LYPD8: variants seen among roughly 807,000 people sequenced by gnomAD.
LYPD8 encodes the protein LY6/PLAUR domain containing 8, also known as ly6/PLAUR domain-containing protein 8.
Under a neutral mutation model 1.7 loss-of-function variants are expected in LYPD8, and 8 were observed. The observed-to-expected ratio is 4.58, with a 90% CI of 2.69 to 8.27. The LOEUF is 8.27. Among genes scored for constraint, LYPD8 ranks in the 30% most tolerant of loss-of-function variants. The pLI is 0.00. For synonymous variants in LYPD8, 50 were observed against 43.6 expected (o/e 1.15, Z -0.58); for missense variants, 112 against 102.3 (o/e 1.09, Z -0.41).
chr1:248,741,502 T>A (rs1469609605), intron 6 of LYPD8, among the ~76,000 whole-genome samples: 3 of 152,220 alleles, frequency 2.0e-5, no homozygotes, highest in Non-Finnish European at 4.4e-5. Context: ...CCACCGCACC[T>A]GGCCAGTGCT....
chr1:248,739,970 C>T lies in LYPD8; in HGVS notation c.476-121G>A. 1 of 1,322,488 alleles carries T rather than the reference C, an allele frequency of 7.6e-7. No homozygotes were observed. Among genetic ancestry groups the T allele is most frequent in the Non-Finnish European group, 1.0e-6 (1 of 972,898 alleles). The allele number at this position is 1,322,488 out of a possible 1,614,324, so 81.9% of individuals were successfully genotyped here. The stretch of plus-strand genomic sequence containing the variant: ...GTGACCAGCAAGAGCTGGTGTGCTC[C>T]TGAAGCCCAGGCAGGAAGAAGGAGC... On this transcript the variant is annotated intron_variant, in intron 6 of 6. Transcript: ENST00000590317. This position sits in a 1 kb window ranked among gnomAD's most constrained non-coding sequence, Gnocchi z 4.3.
chr1:248,752,614 CAT>C (rs1215945083), intron 2 of LYPD8, among the ~76,000 whole-genome samples: 33 of 125,512 alleles, frequency 2.6e-4, no homozygotes, highest in African/African-American at 8.4e-4. Context: ...ACCCCACACA[CAT>C]CACACACACA....
chr1:248,753,376 A>T (rs1320039435), intron 2 of LYPD8, among the ~76,000 whole-genome samples: 2 of 123,384 alleles, frequency 1.6e-5, no homozygotes, highest in Non-Finnish European at 1.7e-5. Context: ...CATACACACC[A>T]CACACCACAC....
At chr1:248,753,488 T>TCAAACAACACACACAACA (rs1662866895) in intron 2 of LYPD8, among the ~76,000 whole-genome samples, 1 of 50,716 alleles carries the variant, frequency 2.0e-5, no homozygotes, top group African/African-American at 8.6e-5. Flanking sequence ...CACACACACA[T>TCAAACAACACACACAACA]CACACAACAC....
chr1:248,753,955 C>G (rs1201055226), intron 2 of LYPD8, among the ~76,000 whole-genome samples: 1 of 123,294 alleles, frequency 8.1e-6, no homozygotes, highest in African/African-American at 3.3e-5. Flanking sequence ...TCACATGTCA[C>G]ACACATCACA....
At chr1:248,750,083 C>A (rs1662772979) in intron 4 of LYPD8, among the ~76,000 whole-genome samples, 1 of 152,074 alleles carries the variant, frequency 6.6e-6, no homozygotes, top group Non-Finnish European at 1.5e-5. Context: ...AATCTAAGTG[C>A]TCTGAGAAAG....
chr1:248,752,427 C>G lies in LYPD8; in HGVS notation c.-49-1297G>C, dbSNP rs1304414444. On this transcript the variant is annotated intron_variant, in intron 2 of 6. Transcript: ENST00000590317. Reference sequence around the variant, plus strand: ...CCTAGTTGCACCACAATAGCTGCTACTTACTGAAACACAATCGCCTTCATC... The same window carrying G: ...CCTAGTTGCACCACAATAGCTGCTAGTTACTGAAACACAATCGCCTTCATC... Among the ~76,000 whole-genome samples, 4 of 151,816 alleles carry G rather than the reference C, an allele frequency of 2.6e-5. No individual in the cohort carries two copies. The South Asian group carries it at 8.3e-4, about 31-fold the overall frequency.
chr1:248,753,488 T>TCAAACAACACACACACCA (rs1662866895), intron 2 of LYPD8, among the ~76,000 whole-genome samples: 46 of 50,704 alleles, frequency 9.1e-4, no homozygotes, highest in East Asian at 3.6e-3. Context: ...CACACACACA[T>TCAAACAACACACACACCA]CACACAACAC....
chr1:248,739,835 T>A lies in LYPD8; in HGVS notation c.490A>T (p.Ser164Cys). 1 of 1,551,728 alleles carries A rather than the reference T, an allele frequency of 6.4e-7. No homozygotes were observed. The highest frequency in any genetic ancestry group is 1.2e-5 in the South Asian group (1 of 84,064). ...TTGGAACAGCCTTTCAGCACGAGAC[T>A]CTTAGACTCAATGTCTGTGAATGCA... ...AELKNDIESK[S>C]LVLKGCSNVS... Residue 164 changes from serine to cysteine, a missense_variant, in exon 7 of 7, where the codon AGT (serine) becomes TGT (cysteine). Transcript: ENST00000590317. The surrounding 1 kb of genome is among the most constrained non-coding windows in gnomAD (Gnocchi z 4.3).
intron 6 of LYPD8, among the ~76,000 whole-genome samples, chr1:248,744,575 G>GTCAAATGTGGATCTCACAATGGGTAGCA (rs1662691854): frequency 7.0e-6 from 1 of 142,410 alleles, no homozygotes; most frequent in African/African-American, 3.0e-5. Context: ...AATGGGTAGC[G>GTCAAATGTGGATCTCACAATGGGTAGCA]TCAAATGTGG....
At position 248,750,623 on chromosome 1, in the gene LYPD8, A is replaced by C; in HGVS notation, c.73T>G (p.Cys25Gly). The change falls in exon 4 of 7, where the codon TGT becomes GGT. Residue 25 changes from cysteine (C) to glycine (G), a missense_variant. By Grantham distance (159) the Cys-to-Gly change is radical. Coordinates refer to ENST00000590317, the MANE Select transcript of LYPD8 (RefSeq NM_001085474.2). ...ACACAGGATTTTTCCCATGAATTAC[A>C]CTGCACGCAGCTCAGAGATTCTGAG... is the stretch of plus-strand genomic sequence containing the variant. ...AAVESLSCVQ[C>G]NSWEKSCVNS... 2.5e-6 allele frequency: 1 copy of C among 398,576 alleles called. No homozygotes were observed. Among genetic ancestry groups the C allele is most frequent in the East Asian group, 3.6e-5 (1 of 28,068 alleles). 24.7% of individuals were successfully genotyped at this position (398,576 alleles called of 1,614,324 possible).
chr1:248,750,005 C>G (rs1662771410), intron 4 of LYPD8, among the ~76,000 whole-genome samples: 1 of 151,610 alleles, frequency 6.6e-6, no homozygotes, highest in Non-Finnish European at 1.5e-5. Flanking sequence ...GTTCATTATA[C>G]TCTTTTTCCT....
chr1:248,745,091 G>T, intron 6 of LYPD8, 51 bp downstream of exon 6: 1 of 397,894 alleles, frequency 2.5e-6, no homozygotes, highest in South Asian at 1.3e-4. Flanking sequence ...ACCAAGACTT[G>T]ACATGTTTCC....
chr1:248,741,715 G>C (rs1442324343), intron 6 of LYPD8, among the ~76,000 whole-genome samples: 2 of 152,322 alleles, frequency 1.3e-5, no homozygotes, highest in South Asian at 2.1e-4. Flanking sequence ...TAAGCAGAGA[G>C]AGAAAAATCT....
chr1:248,752,794 A>ACACACCACC (rs1662831165), intron 2 of LYPD8, among the ~76,000 whole-genome samples: 1 of 61,474 alleles, frequency 1.6e-5, no homozygotes, highest in Non-Finnish European at 3.0e-5. Flanking sequence ...CCACACACAC[A>ACACACCACC]CCACACCCCA....
chr1:248,753,329 TCAC>T (rs1257496259), intron 2 of LYPD8, among the ~76,000 whole-genome samples: 1 of 31,098 alleles, frequency 3.2e-5, no homozygotes, highest in Admixed American at 4.0e-4. Flanking sequence ...ACACAACACA[TCAC>T]ACACACCACA....
chr1:248,741,599 A>G (rs1332291327), intron 6 of LYPD8, among the ~76,000 whole-genome samples: 1 of 152,192 alleles, frequency 6.6e-6, no homozygotes, highest in African/African-American at 2.4e-5. Context: ...AAGAAACAAA[A>G]ATACCCCTAC....
rs191033283 is a variant in LYPD8, at chr1:248,743,024, G to A, written c.475+2118C>T. ...CGCTCTGGTGGGGATGTTGGCAGCC[G>A]GGGGAGGTTATGCTCTGGTGGGGAT... On this transcript the variant is annotated intron_variant, in intron 6 of 6. Transcript: ENST00000590317. Among the ~76,000 whole-genome samples, 416 of 129,474 alleles carry A rather than the reference G, an allele frequency of 3.2e-3. 2 individuals carry two copies. Among genetic ancestry groups the A allele is most frequent in the African/African-American group, 0.011 (395 of 34,518 alleles). The allele number at this position is 129,474 out of a possible 152,430, so 84.9% of individuals were successfully genotyped here.
Position 248,748,339 on chromosome 1 carries a change from A to G in LYPD8, c.287T>C (p.Val96Ala). Residue 96 changes from valine (V) to alanine (A), a missense_variant, in exon 5 of 7, where the codon GTA (valine) becomes GCA (alanine). Coordinates refer to ENST00000590317, the MANE Select transcript of LYPD8 (RefSeq NM_001085474.2). The stretch of plus-strand genomic sequence containing the variant: ...TTCCTTTCCTTGGCAGCACTGGCTT[A>G]CAAAATGAAAGTGTTCTTCAGCAGA... ...HVSAEEHFHF[V>A]SQCCQGKECS... 1 of 466,328 alleles carries G rather than the reference A, an allele frequency of 2.1e-6. No individual in the cohort carries two copies. Among genetic ancestry groups the G allele is most frequent in the Non-Finnish European group, 3.7e-6 (1 of 267,254 alleles). The allele number at this position is 466,328 out of a possible 1,614,324, so 28.9% of individuals were successfully genotyped here. A position where few individuals can be genotyped will look rare whatever the true frequency, so the allele number is the denominator to read the frequency against.
Sources: gnomAD v4.1 joint callset for allele counts (sites outside exome capture counted in the v4.1 genomes callset) on GRCh38, gnomAD v4.1.1 for gene constraint, Gnocchi (gnomAD v3.1) non-coding constraint, MANE v1.5 for transcripts, NCBI Gene and HGNC (gene_info 2026-07-23, HGNC 2026-07-21) for gene names.